The following NLGN4X variants were observed in gnomAD, a reference collection of about 807,000 sequenced individuals.
NLGN4X encodes neuroligin-4, X-linked.
Under a neutral mutation model 40.3 loss-of-function variants are expected in NLGN4X, and 3 were observed. The observed-to-expected ratio is 0.07, with a 90% CI of 0.03 to 0.19. The LOEUF (loss-of-function observed/expected upper bound fraction) is 0.19, where lower values mean the gene tolerates loss of function less well. Ranked by LOEUF, NLGN4X falls within the 10% of genes least tolerant of loss-of-function variation. The probability of loss-of-function intolerance (pLI) is 1.00; values close to 1 mark genes in which losing one functional copy is unlikely to be tolerated. For missense variants in NLGN4X, 382 were observed against 708.3 expected (o/e 0.54, Z 5.23); for synonymous variants, 270 against 306.8 (o/e 0.88, Z 1.25).
At chrX:6,167,566 T>G (rs1282214664) in intron 1 of NLGN4X, among the ~76,000 whole-genome samples, 4 of 112,365 alleles carry the variant, frequency 3.6e-5, no homozygotes, top group Non-Finnish European at 5.6e-5. Flanking sequence ...GGAACTTATC[T>G]GAGGAAATAA....
chrX:6,153,130 G>A (rs1243412074), intron 1 of NLGN4X, among the ~76,000 whole-genome samples: 2 of 111,923 alleles, frequency 1.8e-5, no homozygotes, highest in African/African-American at 6.5e-5. Flanking sequence ...GATTTTGTGG[G>A]TTATTCAGAG....
chrX:6,067,524 T>C (rs2037952135), intron 2 of NLGN4X, among the ~76,000 whole-genome samples: 1 of 111,492 alleles, frequency 9.0e-6, no homozygotes, highest in African/African-American at 3.3e-5. Flanking sequence ...GCTGAGCTCA[T>C]TGGAGTTCAA....
intron 2 of NLGN4X, among the ~76,000 whole-genome samples, chrX:6,113,386 G>A (rs2147537046): frequency 9.0e-6 from 1 of 110,897 alleles, no homozygotes; most frequent in Admixed American, 9.7e-5. Flanking sequence ...AACTATTATA[G>A]GTAATATTTT....
At chrX:6,159,645 C>T (rs982938957) in intron 1 of NLGN4X, among the ~76,000 whole-genome samples, 8 of 111,872 alleles carry the variant, frequency 7.2e-5, no homozygotes, top group African/African-American at 2.6e-4. Flanking sequence ...GAACCTGAGC[C>T]TGCTATAGCC....
At chrX:6,032,543 T>C (rs1161784215) in intron 2 of NLGN4X, 5 of 327,923 alleles carry the variant, frequency 1.5e-5, no homozygotes, top group African/African-American at 2.8e-5. Context: ...GTGGTTTCTA[T>C]ACAAGAAGAA....
chrX:5,920,622 C>G (rs1293097901), intron 3 of NLGN4X, among the ~76,000 whole-genome samples: 1 of 111,690 alleles, frequency 9.0e-6, no homozygotes, highest in African/African-American at 3.3e-5. Context: ...GATGTTTGCT[C>G]TGGTTTGGGT....
At chrX:5,897,483 A>G (rs747389884) in intron 5 of NLGN4X, among the ~76,000 whole-genome samples, 2 of 111,573 alleles carry the variant, frequency 1.8e-5, no homozygotes, top group East Asian at 5.7e-4. Context: ...AAACGGTCTC[A>G]ATCTACCTTA....
intron 1 of NLGN4X, among the ~76,000 whole-genome samples, chrX:6,166,592 A>G (rs1162223979): frequency 6.3e-5 from 7 of 111,370 alleles, no homozygotes; most frequent in Non-Finnish European, 1.1e-4. Flanking sequence ...GCTAATTGCC[A>G]GTCTGTGGTC....
intron 3 of NLGN4X, among the ~76,000 whole-genome samples, chrX:5,966,586 ATTAG>A (rs1334457885): frequency 8.9e-6 from 1 of 112,740 alleles, no homozygotes; most frequent in African/African-American, 3.2e-5. Flanking sequence ...GCCTGTTATT[ATTAG>A]TAAGTATACT....
At chrX:6,163,205 C>T (rs765388726) in intron 1 of NLGN4X, among the ~76,000 whole-genome samples, 148 of 111,663 alleles carry the variant, frequency 1.3e-3, no homozygotes, top group African/African-American at 4.3e-3. Flanking sequence ...ACCCAGTCTC[C>T]GGTATGTCTT....
intron 5 of NLGN4X, among the ~76,000 whole-genome samples, chrX:5,900,371 G>A (rs974398436): frequency 6.4e-5 from 7 of 109,952 alleles, no homozygotes; most frequent in African/African-American, 2.3e-4. Flanking sequence ...GAGTGGGATG[G>A]TGCACCTGCA....
At chrX:6,063,887 G>A (rs971295021) in intron 2 of NLGN4X, among the ~76,000 whole-genome samples, 1 of 112,082 alleles carries the variant, frequency 8.9e-6, no homozygotes, top group Non-Finnish European at 1.9e-5. Flanking sequence ...GTCCTTCCAA[G>A]GTTAGTGATA....
At chrX:5,969,410 G>C (rs1438742153) in intron 3 of NLGN4X, among the ~76,000 whole-genome samples, 1 of 111,578 alleles carries the variant, frequency 9.0e-6, no homozygotes, top group African/African-American at 3.3e-5. Context: ...GCAGCCAAAA[G>C]ACACATGAAA....
chrX:6,027,184 CAT>C (rs1281100838), intron 3 of NLGN4X, among the ~76,000 whole-genome samples: 1 of 112,161 alleles, frequency 8.9e-6, no homozygotes, highest in Non-Finnish European at 1.9e-5. Flanking sequence ...TGCCCTCACA[CAT>C]ACTTTCCTCC....
Position 5,903,207 on chromosome X carries a change from C to T in NLGN4X, c.1471G>A (p.Asp491Asn). The T allele has an allele frequency of 1.7e-6, 2 of 1,212,029 alleles. No homozygotes were observed. The highest frequency in any genetic ancestry group is 2.2e-6 in the Non-Finnish European group (2 of 895,611). Residue 491 changes from aspartate to asparagine, a missense_variant, in exon 5 of 6, where the codon GAT becomes AAT. Physicochemically the swap from Asp to Asn is conservative, Grantham distance 23 (BLOSUM62 1). Around this residue, in one of 5 missense-constraint regions of NLGN4X, gnomAD observed 149 missense variants for 375.8 expected, o/e 0.40. Transcript: ENST00000381095. ...KPSWADSAHG[D>N]EVPYVFGIPM... is the part of the protein sequence containing the mutation. ...ATGCCGAAGACATAGGGGACCTCAT[C>T]ACCATGGGCCGAATCTGCCCAGCTG...
chrX:5,921,881 G>A (rs897100777), intron 3 of NLGN4X, among the ~76,000 whole-genome samples: 4 of 111,328 alleles, frequency 3.6e-5, no homozygotes, highest in Non-Finnish European at 7.5e-5. Flanking sequence ...GGTGAAGGCT[G>A]CCGTGACACA....
chrX:6,079,212 G>A (rs1413271572), intron 2 of NLGN4X, among the ~76,000 whole-genome samples: 2 of 111,593 alleles, frequency 1.8e-5, no homozygotes, highest in Admixed American at 9.5e-5. Context: ...CTTATACCAC[G>A]GAAGGTGGCA....
At chrX:5,931,144 G>A (rs1203157219) in intron 3 of NLGN4X, among the ~76,000 whole-genome samples, 2 of 112,052 alleles carry the variant, frequency 1.8e-5, no homozygotes, top group African/African-American at 6.5e-5. Flanking sequence ...AAATGTAGTG[G>A]ATTTGCTCTC....
At chrX:6,175,286 A>G (rs1012824123) in intron 1 of NLGN4X, among the ~76,000 whole-genome samples, 3 of 111,339 alleles carry the variant, frequency 2.7e-5, no homozygotes, top group African/African-American at 9.8e-5. Flanking sequence ...AAGGATGAGT[A>G]TAGTATAAAA....
Sources: allele counts gnomAD v4.1 joint callset (sites outside exome capture counted in the v4.1 genomes callset), GRCh38; gene constraint gnomAD v4.1.1; regional missense constraint gnomAD v4.1.1; transcripts MANE v1.5; gene names NCBI Gene and HGNC (gene_info 2026-07-23, HGNC 2026-07-21).